Variants in MPPED1 observed in about 807,000 individuals in gnomAD.
MPPED1 encodes metallophosphoesterase domain-containing protein 1.
A neutral mutation model predicts 36.2 loss-of-function variants in MPPED1; 16 were observed. That is an observed-to-expected ratio of 0.44 (90% CI 0.30 to 0.67). The LOEUF (loss-of-function observed/expected upper bound fraction) is 0.67. Ranked by LOEUF, MPPED1 falls within the 30% of genes least tolerant of loss-of-function variation. The pLI is 0.10. For missense variants in MPPED1, 307 were observed against 453.4 expected, an observed-to-expected ratio of 0.68 and a Z score of 2.93; for synonymous variants, 199 against 191.3, an observed-to-expected ratio of 1.04 and a Z score of -0.33.
intron 4 of MPPED1, among the ~76,000 whole-genome samples, chr22:43,477,916 G>T (rs1471206368): frequency 6.6e-6 from 1 of 152,130 alleles, no homozygotes; most frequent in African/African-American, 2.4e-5. Flanking sequence ...GTCTGCTTGG[G>T]CCCATCCAGG....
chr22:43,429,687 A>C (rs984366384), intron 2 of MPPED1, among the ~76,000 whole-genome samples: 20 of 152,298 alleles, frequency 1.3e-4, no homozygotes, highest in African/African-American at 4.1e-4. Context: ...CTCCACAAGC[A>C]TGGGGCTGCA....
At chr22:43,500,392 TG>T in intron 5 of MPPED1, among the ~76,000 whole-genome samples, 1 of 147,676 alleles carries the variant, frequency 6.8e-6, no homozygotes, top group African/African-American at 2.5e-5. Flanking sequence ...GTGATGGTGA[TG>T]GAGGTGGTAG....
chr22:43,504,488 G>C (rs1489760438), intron 6 of MPPED1, among the ~76,000 whole-genome samples: 2 of 151,952 alleles, frequency 1.3e-5, no homozygotes, highest in East Asian at 3.9e-4. Flanking sequence ...TGGTGGTGAT[G>C]AATGATGGTG....
intron 1 of MPPED1, chr22:43,418,193 C>G (rs1238573804): frequency 2.2e-6 from 1 of 456,002 alleles, no homozygotes; most frequent in African/African-American, 2.0e-5. Flanking sequence ...CAAACGAGAG[C>G]ACTTTCGAGA....
Position 43,463,931 on chromosome 22 carries a change from CAG to C in MPPED1, c.407-10802_407-10801del, listed in dbSNP as rs765043064. 1.0e-3 allele frequency among the ~76,000 whole-genome samples: 151 copies of C among 149,268 alleles called. 1 individual carries two copies. Among genetic ancestry groups the C allele is most frequent in the Non-Finnish European group, 1.9e-3 (131 of 67,620 alleles). On this transcript the variant is annotated intron_variant, in intron 3 of 6. Coordinates refer to ENST00000443721, the MANE Select transcript of MPPED1 (RefSeq NM_001044370.2). ...CTTTTCTTTCTTCTTTTCTTTGAGACAGAGTCTTGCTCTGTTGCCCAGGCTGG... is the reference window on the plus strand; with the variant it reads ...CTTTTCTTTCTTCTTTTCTTTGAGACAGTCTTGCTCTGTTGCCCAGGCTGG...
rs1458265905 is a variant in MPPED1, at chr22:43,432,220, G to A, written c.225-2814G>A. Among the ~76,000 whole-genome samples, 238 of 150,812 alleles carry A rather than the reference G, an allele frequency of 1.6e-3. 2 individuals are homozygous for A. The highest frequency in any genetic ancestry group is 4.8e-3 in the African/African-American group (195 of 41,016). Reference sequence around the variant, plus strand: ...AGAGGCACACAGAGAGAGAGAGAGAGACACAGAGAGAAAGAAAGGGAAGAG... The same window carrying A: ...AGAGGCACACAGAGAGAGAGAGAGAAACACAGAGAGAAAGAAAGGGAAGAG... On this transcript the variant is annotated intron_variant, in intron 2 of 6. Transcript: ENST00000443721.
chr22:43,485,461 CACAT>C (rs1223773450), intron 4 of MPPED1, among the ~76,000 whole-genome samples: 1 of 151,960 alleles, frequency 6.6e-6, no homozygotes, highest in East Asian at 1.9e-4. Flanking sequence ...CACAAGTACA[CACAT>C]ACACACTCAC....
chr22:43,439,533 CCT>C (rs1569070085), intron 3 of MPPED1, among the ~76,000 whole-genome samples: 2 of 152,250 alleles, frequency 1.3e-5, no homozygotes, highest in African/African-American at 4.8e-5. Flanking sequence ...TGTCTTCACC[CCT>C]GTTTCCTCCT....
chr22:43,434,676 T>A (rs981974036), intron 2 of MPPED1, among the ~76,000 whole-genome samples: 1 of 152,172 alleles, frequency 6.6e-6, no homozygotes, highest in African/African-American at 2.4e-5. Flanking sequence ...ACTCTGGCGG[T>A]GATAACGAAC....
intron 3 of MPPED1, among the ~76,000 whole-genome samples, chr22:43,442,151 C>T (rs913026780): frequency 2.6e-5 from 4 of 151,910 alleles, no homozygotes; most frequent in African/African-American, 9.7e-5. Context: ...TACTCTCTGG[C>T]CTCCTCTCTT....
chr22:43,486,146 G>A (rs994696743), intron 4 of MPPED1, among the ~76,000 whole-genome samples: 9 of 145,392 alleles, frequency 6.2e-5, no homozygotes, highest in Admixed American at 3.5e-4. Context: ...TCAACACACC[G>A]GTCTGGTCTC....
chr22:43,453,571 T>C (rs375701270), intron 3 of MPPED1, among the ~76,000 whole-genome samples: 4 of 152,310 alleles, frequency 2.6e-5, no homozygotes, highest in African/African-American at 9.6e-5. Flanking sequence ...GCCAGGACTC[T>C]AGATGACCAT....
chr22:43,501,204 G>C (rs546229486), intron 5 of MPPED1, among the ~76,000 whole-genome samples: 10 of 152,324 alleles, frequency 6.6e-5, no homozygotes, highest in African/African-American at 2.2e-4. Flanking sequence ...ACCTGAAGCC[G>C]CCTGAGTCCT....
intron 2 of MPPED1, among the ~76,000 whole-genome samples, chr22:43,427,940 GA>G (rs1277869325): frequency 1.3e-5 from 2 of 152,060 alleles, no homozygotes; most frequent in African/African-American, 2.4e-5. Context: ...CTTCGGGGGT[GA>G]AAAAAACGCT....
At position 43,453,245 on chromosome 22, in the gene MPPED1, C is replaced by A. The variant is rs140820882; in HGVS notation, c.406+18030C>A. Among the ~76,000 whole-genome samples, 9 of 152,198 alleles carry A rather than the reference C, an allele frequency of 5.9e-5. No individual in the cohort carries two copies. In the East Asian group the frequency reaches 1.7e-3, roughly 29 times the overall value. ...GATTACAGGCATCAGCCACTGTGCC[C>A]GGCCAGTCTTACTCATTTTTAAATA... On this transcript the variant is annotated intron_variant, in intron 3 of 6. Transcript: ENST00000443721.
intron 4 of MPPED1, among the ~76,000 whole-genome samples, chr22:43,489,076 ACCT>A (rs1165086256): frequency 6.6e-6 from 1 of 151,826 alleles, no homozygotes; most frequent in East Asian, 1.9e-4. Flanking sequence ...GTCTGCCCTA[ACCT>A]CTGAAACACC....
chr22:43,451,554 G>T (rs1930568813), intron 3 of MPPED1, among the ~76,000 whole-genome samples: 1 of 152,218 alleles, frequency 6.6e-6, no homozygotes, highest in Non-Finnish European at 1.5e-5. Context: ...TTCTGGGCTG[G>T]TTTGACAGCC....
chr22:43,470,814 A>T (rs1451821112), intron 3 of MPPED1, among the ~76,000 whole-genome samples: 1 of 152,252 alleles, frequency 6.6e-6, no homozygotes, highest in Non-Finnish European at 1.5e-5. Flanking sequence ...ACAGCTGGTG[A>T]ATTGCCAAGT....
chr22:43,469,029 A>G (rs1042568626), intron 3 of MPPED1, among the ~76,000 whole-genome samples: 8 of 151,994 alleles, frequency 5.3e-5, no homozygotes, highest in Non-Finnish European at 8.8e-5. Context: ...TAGCTTCCCC[A>G]TGTTGTGCCC....
Sources: gnomAD v4.1 joint callset for allele counts (sites outside exome capture counted in the v4.1 genomes callset) on GRCh38, gnomAD v4.1.1 for gene constraint, MANE v1.5 for transcripts, NCBI Gene and HGNC (gene_info 2026-07-23, HGNC 2026-07-21) for gene names.